CHMP7: variants seen among roughly 807,000 people sequenced by gnomAD.
CHMP7 encodes CHMP family, member 7.
Under a neutral mutation model 53.7 loss-of-function variants are expected in CHMP7, and 15 were observed. That is an observed-to-expected ratio of 0.28 (90% CI 0.19 to 0.43). The LOEUF (loss-of-function observed/expected upper bound fraction) is 0.43, where lower values mean the gene tolerates loss of function less well. Among genes scored for constraint, CHMP7 ranks in the 20% least tolerant of loss-of-function variants. The pLI, the probability that CHMP7 is intolerant of heterozygous loss-of-function variation, is 1.00. For missense variants in CHMP7, 527 were observed against 569.4 expected, an observed-to-expected ratio of 0.93 and a Z score of 0.76; for synonymous variants, 261 against 228.0, an observed-to-expected ratio of 1.14 and a Z score of -1.30.
rs1802020006 is a variant in CHMP7, at chr8:23,253,742, CCTATAT to C, written c.472-1503_472-1498del. Among the ~76,000 whole-genome samples the C allele has an allele frequency of 5.3e-5, 8 of 152,334 alleles. No homozygotes were observed. The South Asian group carries it at 1.7e-3, about 32-fold the overall frequency. On this transcript the variant is annotated intron_variant, in intron 3 of 10. Coordinates refer to ENST00000397677, the MANE Select transcript of CHMP7 (RefSeq NM_152272.5). ...TTTCCACTAGACTTTTTCTTCCAACCCTATATCCAGTTACCAGTGTTATCTTCTGAA... is the reference window on the plus strand; with the variant it reads ...TTTCCACTAGACTTTTTCTTCCAACCCCAGTTACCAGTGTTATCTTCTGAA...
intron 3 of CHMP7, among the ~76,000 whole-genome samples, chr8:23,251,712 C>T (rs1801936385): frequency 6.6e-6 from 1 of 152,212 alleles, no homozygotes; most frequent in South Asian, 2.1e-4. Context: ...AGGCCCTACA[C>T]AGTATGGATT....
In CHMP7 at chr8:23,246,699, T is replaced by G. The variant is rs1362439177; in HGVS notation, c.4T>G (p.Trp2Gly). 1 of 1,548,000 alleles carries G rather than the reference T, an allele frequency of 6.5e-7. No individual in the cohort carries two copies. Among genetic ancestry groups the G allele is most frequent in the South Asian group, 1.2e-5 (1 of 83,974 alleles). M[W>G]SPEREAEAPA... ...CCTTGCCGGGGCTGGGGTTCCGATGTGGTCCCCGGAGCGGGAGGCCGAGGC... is the reference window on the plus strand; with the variant it reads ...CCTTGCCGGGGCTGGGGTTCCGATGGGGTCCCCGGAGCGGGAGGCCGAGGC... The change falls in exon 2 of 11, where the codon TGG becomes GGG. Residue 2 changes from tryptophan (W) to glycine (G), a missense_variant. By Grantham distance (184) the Trp-to-Gly change is radical (BLOSUM62 -2). Transcript: ENST00000397677.
At chr8:23,259,365 ATT>A (rs371807011) in intron 9 of CHMP7, among the ~76,000 whole-genome samples, 17 of 89,354 alleles carry the variant, frequency 1.9e-4, no homozygotes, top group Non-Finnish European at 2.3e-4. Context: ...AGACGGGGTC[ATT>A]TTTTTTTTTT....
chr8:23,258,271 C>T lies in CHMP7; in HGVS notation c.841-59C>T, dbSNP rs936328296. The T allele has an allele frequency of 6.2e-6, 10 of 1,608,006 alleles. No homozygotes were observed. The African/African-American group carries it at 9.4e-5, about 15-fold the overall frequency. ...ATCCTTAGCGTCTGGGAAGGGCTGT[C>T]TTCCTCTTGCCCTTTGGCTCGCCCA... On this transcript the variant is annotated intron_variant, in intron 6 of 10. Transcript: ENST00000397677.
chr8:23,249,296 A>G lies in CHMP7; in HGVS notation c.386A>G (p.Lys129Arg), dbSNP rs767741483. Residue 129 changes from lysine to arginine, a missense_variant, in exon 3 of 11, where the codon AAG (lysine) becomes AGG (arginine). By Grantham distance (26) the Lys-to-Arg change is conservative. Transcript: ENST00000397677. ...TGGGGGGTTGGGGTCTTCCTGCTGA[A>G]GCCTCTCAAGTGGACTCTTTCTAAC... is the stretch of plus-strand genomic sequence containing the variant. ...ISWGVGVFLL[K>R]PLKWTLSNML... The G allele has an allele frequency of 1.9e-6, 3 of 1,613,328 alleles. No individual in the cohort carries two copies. Among genetic ancestry groups the G allele is most frequent in the East Asian group, 2.2e-5 (1 of 44,848 alleles).
At chr8:23,249,003 C>T (rs555042338) in intron 2 of CHMP7, among the ~76,000 whole-genome samples, 2 of 152,192 alleles carry the variant, frequency 1.3e-5, no homozygotes, top group Non-Finnish European at 2.9e-5. Context: ...TTAAAATGCT[C>T]ATAATACCGC....
At chr8:23,248,516 C>G (rs1801797799) in intron 2 of CHMP7, among the ~76,000 whole-genome samples, 1 of 152,240 alleles carries the variant, frequency 6.6e-6, no homozygotes. Flanking sequence ...CTGGCTCTGC[C>G]ATTTGCTAAA....
intron 9 of CHMP7, 92 bp downstream of exon 9, chr8:23,259,218 G>A (rs1248925204): frequency 3.0e-6 from 2 of 658,200 alleles, no homozygotes; most frequent in Non-Finnish European, 4.9e-6. Flanking sequence ...GCCCAGGCTG[G>A]AGTGCAGTGG....
chr8:23,252,952 G>A (rs1410606550), intron 3 of CHMP7, among the ~76,000 whole-genome samples: 1 of 152,186 alleles, frequency 6.6e-6, no homozygotes, highest in Admixed American at 6.6e-5. Context: ...CGATGTCTGT[G>A]TCTTATTAGG....
At chr8:23,253,759 G>A (rs768622607) in intron 3 of CHMP7, among the ~76,000 whole-genome samples, 6 of 152,080 alleles carry the variant, frequency 3.9e-5, no homozygotes, top group Non-Finnish European at 7.4e-5. Flanking sequence ...CCAGTTACCA[G>A]TGTTATCTTC....
chr8:23,260,979 A>T lies in CHMP7; in HGVS notation c.*380A>T. 3.8e-6 allele frequency: 1 copy of T among 262,530 alleles called. No individual in the cohort carries two copies. Among genetic ancestry groups the T allele is most frequent in the Non-Finnish European group, 7.3e-6 (1 of 137,658 alleles). The allele number at this position is 262,530 out of a possible 1,614,324, so 16.3% of individuals were successfully genotyped here. A position where few individuals can be genotyped will look rare whatever the true frequency, so the allele number is the denominator to read the frequency against. ...CTTTGCCAAATCTGAATCAGTTCCC[A>T]CTCCCCCCTGCGGTTTTTTAGAGGG... On this transcript the variant is annotated 3_prime_UTR_variant, in exon 11 of 11. Coordinates refer to ENST00000397677, the MANE Select transcript of CHMP7 (RefSeq NM_152272.5).
intron 5 of CHMP7, 138 bp downstream of exon 5, chr8:23,256,731 C>G (rs1802143267): frequency 1.5e-5 from 7 of 481,254 alleles, no homozygotes; most frequent in Non-Finnish European, 2.5e-5. Flanking sequence ...ACTCACTGCT[C>G]AATGCAGAAA....
intron 3 of CHMP7, chr8:23,255,045 C>A: frequency 1.6e-6 from 1 of 608,266 alleles, no homozygotes; most frequent in Middle Eastern, 4.4e-4. Context: ...TGCCTCATTT[C>A]ATGTGGAGTC....
At position 23,261,647 on chromosome 8, in the gene CHMP7, TC is replaced by T. The variant is rs1802395510; in HGVS notation, c.*1050del. 6.5e-6 allele frequency: 1 copy of T among 152,706 alleles called. No individual in the cohort carries two copies. The highest frequency in any genetic ancestry group is 2.1e-4 in the South Asian group (1 of 4,834). 9.5% of individuals were successfully genotyped at this position (152,706 alleles called of 1,614,324 possible). A position where few individuals can be genotyped will look rare whatever the true frequency, so the allele number is the denominator to read the frequency against. On this transcript the variant is annotated 3_prime_UTR_variant, in exon 11 of 11. Coordinates refer to ENST00000397677, the MANE Select transcript of CHMP7 (RefSeq NM_152272.5). ...AGGCCACCCGTGCACCTGTCCTGCTTCCTGCAGTCCCCACTCCCTGCCTCCT... is the reference window on the plus strand; with the variant it reads ...AGGCCACCCGTGCACCTGTCCTGCTTCTGCAGTCCCCACTCCCTGCCTCCT...
At chr8:23,257,920 T>C (rs1039329526) in intron 5 of CHMP7, 113 bp from the exon 6 acceptor site, 2 of 722,016 alleles carry the variant, frequency 2.8e-6, no homozygotes, top group Non-Finnish European at 4.8e-6. Flanking sequence ...GGGTATTGGG[T>C]TTAGTCTTCA....
rs1316497106 is a variant in CHMP7, at chr8:23,259,947, T to A, written c.1121-197T>A. 6.9e-6 allele frequency: 4 copies of A among 577,064 alleles called. No homozygotes were observed. The Admixed American group carries it at 1.2e-4, about 18-fold the overall frequency. 35.7% of individuals were successfully genotyped at this position (577,064 alleles called of 1,614,324 possible). ...CATGGTGTTAACAGAATACACCTCCTTGGTGACTTAGCTTGGAGTGTGGAA... is the reference window on the plus strand; with the variant it reads ...CATGGTGTTAACAGAATACACCTCCATGGTGACTTAGCTTGGAGTGTGGAA... On this transcript the variant is annotated intron_variant, in intron 9 of 10. Coordinates refer to ENST00000397677, the MANE Select transcript of CHMP7 (RefSeq NM_152272.5).
chr8:23,255,458 C>T lies in CHMP7; in HGVS notation c.657+26C>T, dbSNP rs748566933. On this transcript the variant is annotated intron_variant, in intron 4 of 10. Transcript: ENST00000397677. ...GTATGGAGGCTCATCTGTTCATTCA[C>T]TGACTCAGCAGTGATTGATTAAGTA... 59 of 1,608,410 alleles carry T rather than the reference C, an allele frequency of 3.7e-5. No individual in the cohort carries two copies. In the East Asian group the frequency reaches 1.3e-3, roughly 36 times the overall value.
intron 3 of CHMP7, among the ~76,000 whole-genome samples, chr8:23,250,078 C>T (rs575812221): frequency 7.2e-5 from 11 of 152,344 alleles, no homozygotes; most frequent in African/African-American, 1.9e-4. Flanking sequence ...TGTCATCAGA[C>T]TGCGGTCCCC....
intron 10 of CHMP7, 102 bp downstream of exon 10, chr8:23,260,425 C>A: frequency 6.6e-7 from 1 of 1,522,510 alleles, no homozygotes; most frequent in Non-Finnish European, 9.1e-7. Context: ...AGTACCAGAG[C>A]CCTGTAGGGA....
Sources: allele counts gnomAD v4.1 joint callset (sites outside exome capture counted in the v4.1 genomes callset), GRCh38; gene constraint gnomAD v4.1.1; transcripts MANE v1.5; gene names NCBI Gene and HGNC (gene_info 2026-07-23, HGNC 2026-07-21).